Variants in DDX60 observed in about 807,000 individuals in gnomAD.
The protein encoded by DDX60 is DExD/H-box helicase 60, also known as probable ATP-dependent RNA helicase DDX60.
DDX60 carries 165 observed loss-of-function variants against 212.8 expected under a neutral mutation model. The ratio of observed to expected loss-of-function variants is 0.78; its 90% CI spans 0.68 to 0.88. The LOEUF is 0.88. DDX60 is among the 40% of genes least tolerant of loss of function. The pLI, the probability that DDX60 is intolerant of heterozygous loss-of-function variation, is 0.00. For missense variants in DDX60, 1,905 were observed against 2,003.9 expected, an observed-to-expected ratio of 0.95 and a Z score of 0.94; for synonymous variants, 703 against 685.3, an observed-to-expected ratio of 1.03 and a Z score of -0.40.
chr4:168,270,152 TTC>T (rs1212917921), intron 19 of DDX60, among the ~76,000 whole-genome samples: 3 of 152,220 alleles, frequency 2.0e-5, no homozygotes, highest in African/African-American at 7.2e-5. Context: ...GACCTGAATA[TTC>T]TATTCCTAGC....
chr4:168,307,367 A>G (rs1736929313), intron 4 of DDX60, among the ~76,000 whole-genome samples: 1 of 152,220 alleles, frequency 6.6e-6, no homozygotes, highest in African/African-American at 2.4e-5. Flanking sequence ...TAAAAATTAT[A>G]TTAATTATAT....
intron 23 of DDX60, 63 bp downstream of exon 23, chr4:168,262,620 G>T: frequency 1.1e-5 from 12 of 1,092,058 alleles, no homozygotes; most frequent in Middle Eastern, 2.2e-4. Context: ...TGATTAGAAA[G>T]GGTGAGAGTT....
intron 33 of DDX60, among the ~76,000 whole-genome samples, chr4:168,226,293 T>C (rs957574805): frequency 6.6e-6 from 1 of 152,086 alleles, no homozygotes; most frequent in Non-Finnish European, 1.5e-5. Context: ...AAAATTTATA[T>C]GTTAAAATAT....
chr4:168,318,231 T>G (rs1215853960), intron 1 of DDX60, among the ~76,000 whole-genome samples: 2 of 152,238 alleles, frequency 1.3e-5, no homozygotes, highest in African/African-American at 4.8e-5. Flanking sequence ...GAGCAGGGAT[T>G]GAAGGTGGAA....
chr4:168,285,264 A>T (rs913540591), intron 11 of DDX60, 129 bp downstream of exon 11: 2 of 660,982 alleles, frequency 3.0e-6, no homozygotes, highest in Non-Finnish European at 5.1e-6. Context: ...TTGATTTTAA[A>T]TTCATTATGT....
chr4:168,268,124 T>A, intron 20 of DDX60, 141 bp from the exon 21 acceptor site: 1 of 611,212 alleles, frequency 1.6e-6, no homozygotes, highest in Non-Finnish European at 2.7e-6. Flanking sequence ...CTACCTGAAA[T>A]TAAATCCCAA....
At chr4:168,221,581 T>C in intron 36 of DDX60, 149 bp downstream of exon 36, 1 of 786,662 alleles carries the variant, frequency 1.3e-6, no homozygotes, top group South Asian at 4.1e-5. Flanking sequence ...TTGCCATTAG[T>C]CTCTAAAAAA....
chr4:168,260,288 CG>C (rs1188252979), intron 25 of DDX60, among the ~76,000 whole-genome samples: 5 of 152,074 alleles, frequency 3.3e-5, no homozygotes, highest in Admixed American at 6.5e-5. Flanking sequence ...CAACAGGCCC[CG>C]GTGTGTGATG....
chr4:168,236,205 T>C, intron 33 of DDX60, 47 bp downstream of exon 33: 1 of 1,574,704 alleles, frequency 6.4e-7, no homozygotes, highest in Non-Finnish European at 8.7e-7. Context: ...GTAAGATCTA[T>C]TTAGTGGTTT....
intron 8 of DDX60, among the ~76,000 whole-genome samples, chr4:168,289,347 T>C (rs1735989224): frequency 1.3e-5 from 2 of 152,166 alleles, no homozygotes; most frequent in African/African-American, 4.8e-5. Flanking sequence ...TCCTTTGACC[T>C]TCAGGACAAC....
intron 30 of DDX60, among the ~76,000 whole-genome samples, chr4:168,240,611 C>T (rs1404326215): frequency 6.6e-6 from 1 of 151,958 alleles, no homozygotes; most frequent in Non-Finnish European, 1.5e-5. Context: ...ACACACAGAC[C>T]ATTGGAACAG....
chr4:168,313,689 G>A (rs72693174), intron 1 of DDX60, among the ~76,000 whole-genome samples: 4,664 of 152,234 alleles, frequency 0.031, 85 homozygotes, highest in Non-Finnish European at 0.046. Context: ...TAATTTACAG[G>A]TTCCCAGATG....
intron 37 of DDX60, among the ~76,000 whole-genome samples, chr4:168,219,073 G>T (rs1732952325): frequency 6.6e-6 from 1 of 151,240 alleles, no homozygotes; most frequent in African/African-American, 2.4e-5. Context: ...CTGAGCTCAG[G>T]AATTTTGAGA....
rs773405476 is a variant in DDX60 at position 168,306,498 on chromosome 4, T to C, written c.487A>G (p.Ile163Val). The C allele has an allele frequency of 1.9e-6, 3 of 1,614,146 alleles. No individual in the cohort carries two copies. The highest frequency in any genetic ancestry group is 1.3e-5 in the African/African-American group (1 of 75,050). The change falls in exon 5 of 38, where the codon ATT (isoleucine) becomes GTT (valine). Residue 163 changes from isoleucine to valine, a missense_variant. Ile to Val is a conservative substitution (Grantham distance 29, BLOSUM62 3). Coordinates refer to ENST00000393743, the MANE Select transcript of DDX60 (RefSeq NM_017631.6). ...LQTQLFNFLI[I>V]HSWARKVNVV... ...TTGACCTTCCTTGCCCAAGAATGAA[T>C]GATTAAAAAGTTGAAAAGCTGTGTT...
chr4:168,306,791 A>G (rs1736903470), intron 4 of DDX60, 71 bp from the exon 5 acceptor site: 2 of 1,169,508 alleles, frequency 1.7e-6, no homozygotes, highest in Admixed American at 4.0e-5. Flanking sequence ...CTAACACATC[A>G]TTAAAGGCAC....
chr4:168,268,070 C>G lies in DDX60; in HGVS notation c.2787-87G>C, dbSNP rs1191102567. On this transcript the variant is annotated intron_variant, in intron 20 of 37. Transcript: ENST00000393743. ...GTAGTTTAAGTAAAGACAATTTCATCTTCCTTATAAAGTGTACTTAGGGGA... is the reference window on the plus strand; with the variant it reads ...GTAGTTTAAGTAAAGACAATTTCATGTTCCTTATAAAGTGTACTTAGGGGA... 6 of 1,188,050 alleles carry G rather than the reference C, an allele frequency of 5.1e-6. No individual in the cohort carries two copies. In the Admixed American group the frequency reaches 1.4e-4, roughly 27 times the overall value. 73.6% of individuals were successfully genotyped at this position (1,188,050 alleles called of 1,614,324 possible).
intron 30 of DDX60, among the ~76,000 whole-genome samples, chr4:168,238,442 G>T (rs1480569305): frequency 8.9e-6 from 1 of 112,018 alleles, no homozygotes; most frequent in South Asian, 3.1e-4. Context: ...GGGAAGGGAA[G>T]GGAAGGGAAG....
chr4:168,226,676 T>G (rs1440895327), intron 33 of DDX60, among the ~76,000 whole-genome samples: 1 of 152,080 alleles, frequency 6.6e-6, no homozygotes, highest in African/African-American at 2.4e-5. Flanking sequence ...AACAATACAA[T>G]TCTATTCTTT....
intron 1 of DDX60, among the ~76,000 whole-genome samples, 154 bp downstream of exon 1, chr4:168,318,468 C>T (rs367746168): frequency 1.3e-5 from 2 of 152,246 alleles, no homozygotes; most frequent in Admixed American, 6.5e-5. Flanking sequence ...CCGTGCGCCA[C>T]GGCCTTGCGA....
Sources: gnomAD v4.1 joint callset for allele counts (sites outside exome capture counted in the v4.1 genomes callset) on GRCh38, gnomAD v4.1.1 for gene constraint, MANE v1.5 for transcripts, NCBI Gene and HGNC (gene_info 2026-07-23, HGNC 2026-07-21) for gene names.